Variants in PCDH7 observed in about 807,000 individuals in gnomAD.
PCDH7 encodes the protein protocadherin-7.
Under a neutral mutation model 58.9 loss-of-function variants are expected in PCDH7, and 17 were observed. The observed-to-expected ratio is 0.29, with a 90% CI of 0.20 to 0.43. PCDH7 has a LOEUF of 0.43. Among genes scored for constraint, PCDH7 ranks in the 20% least tolerant of loss-of-function variants. The pLI is 1.00. For missense variants in PCDH7, 1,274 were observed against 1,441.0 expected, an observed-to-expected ratio of 0.88 and a Z score of 1.88; for synonymous variants, 664 against 616.4, an observed-to-expected ratio of 1.08 and a Z score of -1.14.
In PCDH7 at chr4:30,944,011, T is replaced by A. The variant is rs187770881; in HGVS notation, c.288-6109T>A. ...CCTCCGTGAGGGCAGGATTATTATT[T>A]TTTTTATTCCACTCAATATTGAAGG... On this transcript the variant is annotated intron_variant, in intron 2 of 3. Coordinates refer to the PCDH7 transcript ENST00000509759. Among the ~76,000 whole-genome samples the A allele has an allele frequency of 2.4e-4, 36 of 152,268 alleles. 1 individual carries two copies. The East Asian group carries it at 6.2e-3, about 26-fold the overall frequency.
intron 3 of PCDH7, among the ~76,000 whole-genome samples, chr4:30,964,860 T>A (rs985225212): frequency 5.9e-5 from 9 of 152,200 alleles, no homozygotes; most frequent in African/African-American, 2.2e-4. Flanking sequence ...TATGCTGTTC[T>A]TAATTTTGGT....
chr4:30,884,361 A>T (rs1737399286), intron 1 of PCDH7: 1 of 152,128 alleles, frequency 6.6e-6, no homozygotes, highest in Admixed American at 6.6e-5. Flanking sequence ...GTGAAGCTGG[A>T]GTGCTTTTTC....
At chr4:30,788,648 C>T (rs907648339) in intron 1 of PCDH7, among the ~76,000 whole-genome samples, 1 of 152,040 alleles carries the variant, frequency 6.6e-6, no homozygotes, top group Non-Finnish European at 1.5e-5. Flanking sequence ...TTAGAATACA[C>T]TCTCTACAGC....
rs146914093 is a variant in PCDH7, at chr4:30,795,524, C to T, written c.70+70928C>T. Reference sequence around the variant, plus strand: ...TTCTAGAATTGGTCTCAGTGCAAAGCGAACATTGCCTGGCATACAGTAAAT... The same window carrying T: ...TTCTAGAATTGGTCTCAGTGCAAAGTGAACATTGCCTGGCATACAGTAAAT... On this transcript the variant is annotated intron_variant, in intron 1 of 3. Transcript: ENST00000509759. Among the ~76,000 whole-genome samples the T allele has an allele frequency of 4.7e-3, 723 of 152,254 alleles. 6 individuals carry two copies. Among genetic ancestry groups the T allele is most frequent in the African/African-American group, 0.016 (664 of 41,554 alleles).
At chr4:30,861,818 C>T (rs1304855815) in intron 1 of PCDH7, among the ~76,000 whole-genome samples, 3 of 152,072 alleles carry the variant, frequency 2.0e-5, no homozygotes, top group Non-Finnish European at 4.4e-5. Context: ...ATATTTTGGT[C>T]AGACAGAGGT....
chr4:30,889,447 G>A (rs1023620590), intron 1 of PCDH7, among the ~76,000 whole-genome samples: 8 of 152,054 alleles, frequency 5.3e-5, no homozygotes, highest in African/African-American at 1.9e-4. Flanking sequence ...AACTTTCATA[G>A]TGATGCTCAG....
At chr4:31,004,909 T>C (rs1467097044) in intron 3 of PCDH7, among the ~76,000 whole-genome samples, 1 of 152,052 alleles carries the variant, frequency 6.6e-6, no homozygotes, top group Non-Finnish European at 1.5e-5. Context: ...GTCTGACCTC[T>C]GAGCACACAG....
rs552485036 is a variant in PCDH7 at position 31,044,162 on chromosome 4, G to A, written c.*7+93947G>A. Among the ~76,000 whole-genome samples the A allele has an allele frequency of 3.9e-5, 6 of 151,952 alleles. No individual in the cohort carries two copies. In the East Asian group the frequency reaches 7.7e-4, roughly 20 times the overall value. ...ACCATTAAGAAACAATGAGGAGAGG[G>A]TTCATTCAGTATAACAGATGCCACA... On this transcript the variant is annotated intron_variant, in intron 3 of 3. Transcript: ENST00000509759.
At chr4:30,949,864 T>G (rs1343884620) in intron 2 of PCDH7, among the ~76,000 whole-genome samples, 1 of 150,844 alleles carries the variant, frequency 6.6e-6, no homozygotes. Flanking sequence ...GAGGATAAAA[T>G]GGTGGCTCAT....
intron 1 of PCDH7, among the ~76,000 whole-genome samples, chr4:30,754,561 G>C (rs1719021613): frequency 6.6e-6 from 1 of 152,030 alleles, no homozygotes; most frequent in African/African-American, 2.4e-5. Context: ...AATAAATCTT[G>C]TCAGGCTCAA....
At chr4:30,766,569 A>T (rs1459805657) in intron 1 of PCDH7, among the ~76,000 whole-genome samples, 1 of 152,022 alleles carries the variant, frequency 6.6e-6, no homozygotes, top group Non-Finnish European at 1.5e-5. Flanking sequence ...AATCCATTCA[A>T]CTGAGATACT....
At chr4:31,059,231 A>T (rs969333554) in intron 3 of PCDH7, among the ~76,000 whole-genome samples, 2 of 151,916 alleles carry the variant, frequency 1.3e-5, no homozygotes, top group African/African-American at 2.4e-5. Context: ...GCAAATCTTT[A>T]TTCTGAGGAG....
intron 3 of PCDH7, among the ~76,000 whole-genome samples, chr4:31,043,802 T>G (rs991419567): frequency 7.2e-5 from 11 of 152,104 alleles, no homozygotes; most frequent in African/African-American, 2.7e-4. Context: ...GTGTAGAAGT[T>G]CTTTAGTTAA....
At chr4:30,768,100 C>CT (rs926192842) in intron 1 of PCDH7, among the ~76,000 whole-genome samples, 6 of 152,108 alleles carry the variant, frequency 3.9e-5, no homozygotes, top group Admixed American at 6.6e-5. Context: ...TAATAATTTA[C>CT]TTTTTTAGAT....
chr4:30,979,071 C>T (rs866326107), intron 3 of PCDH7, among the ~76,000 whole-genome samples: 7 of 151,622 alleles, frequency 4.6e-5, no homozygotes, highest in Middle Eastern at 6.8e-3. Context: ...ATGAGTGATC[C>T]TTAAAAAAAA....
chr4:30,896,783 A>G (rs995144357), intron 1 of PCDH7, among the ~76,000 whole-genome samples: 1 of 150,718 alleles, frequency 6.6e-6, no homozygotes, highest in Non-Finnish European at 1.5e-5. Context: ...AAACACACAA[A>G]TTATTTGCAA....
At chr4:31,034,140 C>T (rs1217747657) in intron 3 of PCDH7, among the ~76,000 whole-genome samples, 1 of 151,834 alleles carries the variant, frequency 6.6e-6, no homozygotes, top group Admixed American at 6.6e-5. Flanking sequence ...TTTATCCCAT[C>T]CAGCAAAAAC....
At chr4:30,787,420 C>T (rs1026542040) in intron 1 of PCDH7, among the ~76,000 whole-genome samples, 4 of 151,836 alleles carry the variant, frequency 2.6e-5, no homozygotes, top group East Asian at 1.9e-4. Context: ...ATCTAGTGAA[C>T]GTGAGAGGAA....
intron 1 of PCDH7, among the ~76,000 whole-genome samples, chr4:30,746,879 T>C (rs2109253927): frequency 6.6e-6 from 1 of 152,244 alleles, no homozygotes; most frequent in South Asian, 2.1e-4. Context: ...TAGAAAACCA[T>C]AAATAGGTTT....
Sources: allele counts gnomAD v4.1 joint callset (sites outside exome capture counted in the v4.1 genomes callset), GRCh38; gene constraint gnomAD v4.1.1; transcripts MANE v1.5; gene names NCBI Gene and HGNC (gene_info 2026-07-23, HGNC 2026-07-21).